STAMBP: variants seen among roughly 807,000 people sequenced by gnomAD.
STAMBP encodes the protein STAM-binding protein.
A neutral mutation model predicts 50.7 loss-of-function variants in STAMBP; 31 were observed. That is an observed-to-expected ratio of 0.61 (90% CI 0.46 to 0.83). The LOEUF (loss-of-function observed/expected upper bound fraction) is 0.83. Ranked by LOEUF, STAMBP falls within the 40% of genes least tolerant of loss-of-function variation. The probability of loss-of-function intolerance (pLI) is 0.00; values close to 1 mark genes in which losing one functional copy is unlikely to be tolerated. For missense variants in STAMBP, 472 were observed against 518.9 expected (o/e 0.91, Z 0.88); for synonymous variants, 211 against 192.4 (o/e 1.10, Z -0.80).
At chr2:73,867,439 G>A (rs2104752892), downstream of STAMBP, among the ~76,000 whole-genome samples, 1 of 152,316 alleles carries the variant, frequency 6.6e-6, no homozygotes, top group South Asian at 2.1e-4. Flanking sequence ...AGCTACTTGG[G>A]AGGCTAAGGC....
chr2:73,868,476 ATATAT>A (rs536569404), downstream of STAMBP, among the ~76,000 whole-genome samples: 71 of 152,256 alleles, frequency 4.7e-4, no homozygotes, highest in African/African-American at 1.7e-3. Context: ...CACTGATATA[ATATAT>A]CACAGGAGTA....
At chr2:73,857,364 G>C (rs1677687633) in intron 7 of STAMBP, among the ~76,000 whole-genome samples, 1 of 152,160 alleles carries the variant, frequency 6.6e-6, no homozygotes, top group South Asian at 2.1e-4. Context: ...GAGTAGTACA[G>C]AGAAGAAAGT....
intron 2 of STAMBP, among the ~76,000 whole-genome samples, chr2:73,832,551 C>A (rs564181111): frequency 6.6e-6 from 1 of 151,936 alleles, no homozygotes; most frequent in East Asian, 1.9e-4. Context: ...TTAGTAGTTT[C>A]TTAGATATCT....
chr2:73,868,233 T>C (rs952700463), downstream of STAMBP, among the ~76,000 whole-genome samples: 3 of 151,162 alleles, frequency 2.0e-5, no homozygotes, highest in Non-Finnish European at 4.4e-5. Context: ...AAATCAATAA[T>C]ATAGATGCAA....
In STAMBP at chr2:73,844,844, G is replaced by T; in HGVS notation, c.235G>T (p.Asp79Tyr). The part of the protein sequence containing the change: ...LFIEKLPKHR[D>Y]YKSAVIPEKK... ...TATTGAGAAACTACCAAAACATCGA[G>T]ATTACAAATCTGCTGTCATTCCTGA... The change falls in exon 3 of 10, where the codon GAT becomes TAT. Residue 79 changes from aspartate (D) to tyrosine (Y), a missense_variant. Asp to Tyr is a radical substitution (Grantham distance 160). Coordinates refer to ENST00000394070, the MANE Select transcript of STAMBP (RefSeq NM_213622.4). 6.2e-7 allele frequency: 1 copy of T among 1,614,002 alleles called. No homozygotes were observed. The highest frequency in any genetic ancestry group is 8.5e-7 in the Non-Finnish European group (1 of 1,179,990).
rs1361007480 is a variant in STAMBP, at chr2:73,863,685, A to G, written c.*1426A>G. 1.3e-5 allele frequency: 2 copies of G among 152,244 alleles called. No individual in the cohort carries two copies. The highest frequency in any genetic ancestry group is 2.9e-5 in the Non-Finnish European group (2 of 68,066). 9.4% of individuals were successfully genotyped at this position (152,244 alleles called of 1,614,324 possible). On this transcript the variant is annotated 3_prime_UTR_variant, in exon 10 of 10. Transcript: ENST00000394070. ...GACAAGCCATTTCCTGCTGCAGCCC[A>G]GAGCAGCCTGGCTGTTCCACCTTGC... is the stretch of plus-strand genomic sequence containing the variant.
rs183976670 is a variant in STAMBP, at chr2:73,857,085, C to T, written c.1006-2169C>T. Among the ~76,000 whole-genome samples the T allele has an allele frequency of 2.6e-4, 40 of 152,310 alleles. No individual in the cohort carries two copies. In the East Asian group the frequency reaches 7.5e-3, roughly 29 times the overall value. On this transcript the variant is annotated intron_variant, in intron 7 of 9. Transcript: ENST00000394070. The stretch of plus-strand genomic sequence containing the variant: ...ATTGAATTCTTCTGCCTTGTCTATT[C>T]CAGCCTCAGAATTCTGTTTTTCTCC...
rs1573414633 is a variant in STAMBP at position 73,862,953 on chromosome 2, T to C, written c.*694T>C. 1 of 152,304 alleles carries C rather than the reference T, an allele frequency of 6.6e-6. No individual in the cohort carries two copies. The highest frequency in any genetic ancestry group is 1.5e-5 in the Non-Finnish European group (1 of 68,042). 9.4% of individuals were successfully genotyped at this position (152,304 alleles called of 1,614,324 possible). ...AAACAGGTTAAAAAAAAGGTATGGT[T>C]GTTTTGGAAAGGTGAAGGAAAAATG... On this transcript the variant is annotated 3_prime_UTR_variant, in exon 10 of 10. Transcript: ENST00000394070.
chr2:73,873,379 T>G (rs149140489), exon 11 of STAMBP: 1 of 152,214 alleles, frequency 6.6e-6, no homozygotes, highest in Non-Finnish European at 1.5e-5. Context: ...ACAGAGCCCA[T>G]GGCCCACTTA....
intron 7 of STAMBP, among the ~76,000 whole-genome samples, chr2:73,858,781 T>G (rs565794044): frequency 6.6e-6 from 1 of 152,328 alleles, no homozygotes; most frequent in African/African-American, 2.4e-5. Flanking sequence ...GGACCTCTCA[T>G]GGTTGCAGAT....
chr2:73,870,652 G>A (rs1026456675), downstream of STAMBP, among the ~76,000 whole-genome samples: 1 of 152,188 alleles, frequency 6.6e-6, no homozygotes, highest in African/African-American at 2.4e-5. Context: ...ACTAAAGGAA[G>A]TAACACTATT....
chr2:73,833,477 GCA>G (rs1348628323), intron 2 of STAMBP, among the ~76,000 whole-genome samples: 2 of 151,976 alleles, frequency 1.3e-5, no homozygotes, highest in East Asian at 1.9e-4. Context: ...TTATTTTCCT[GCA>G]CAGTTTTTTT....
chr2:73,853,958 A>G (rs2104600324), intron 7 of STAMBP, among the ~76,000 whole-genome samples: 1 of 152,260 alleles, frequency 6.6e-6, no homozygotes, highest in African/African-American at 2.4e-5. Context: ...CCATATGTAT[A>G]TTTGTGTCTT....
At chr2:73,831,216 T>A (rs1391179061) in intron 2 of STAMBP, among the ~76,000 whole-genome samples, 157 bp downstream of exon 2, 1 of 152,258 alleles carries the variant, frequency 6.6e-6, no homozygotes, top group Non-Finnish European at 1.5e-5. Context: ...TTCAAAGACA[T>A]GAGTGCTGAA....
intron 2 of STAMBP, among the ~76,000 whole-genome samples, chr2:73,841,730 G>T (rs1241281640): frequency 1.3e-5 from 2 of 152,166 alleles, no homozygotes; most frequent in Non-Finnish European, 2.9e-5. Flanking sequence ...ACTTGCCCAA[G>T]GTCACATAGC....
intron 2 of STAMBP, among the ~76,000 whole-genome samples, chr2:73,841,626 G>T (rs969343639): frequency 6.6e-6 from 1 of 152,164 alleles, no homozygotes; most frequent in African/African-American, 2.4e-5. Context: ...TGTATTTTAT[G>T]TATGGCCCAA....
At chr2:73,847,072 A>G (rs765549375) in intron 4 of STAMBP, among the ~76,000 whole-genome samples, 19 of 135,030 alleles carry the variant, frequency 1.4e-4, no homozygotes, top group Non-Finnish European at 2.8e-4. Flanking sequence ...ACAGAATGAG[A>G]CCCTGTCTCA....
At position 73,845,202 on chromosome 2, in the gene STAMBP, G is replaced by A; in HGVS notation, c.315G>A (p.Glu105=). The A allele has an allele frequency of 6.2e-7, 1 of 1,614,106 alleles. No homozygotes were observed. Among genetic ancestry groups the A allele is most frequent in the South Asian group, 1.1e-5 (1 of 91,080 alleles). ...AGATTGCATTTCCCAAAGCAGAAGA[G>A]CTGAAGGCAGAGCTGTTAAAACGAT... ...LKEIAFPKAE[E]LKAELLKRYT... is the part of the protein sequence containing the mutation. Residue 105 remains glutamate, a synonymous_variant, in exon 4 of 10, where the codon GAG becomes GAA. Coordinates refer to ENST00000394070, the MANE Select transcript of STAMBP (RefSeq NM_213622.4).
intron 7 of STAMBP, among the ~76,000 whole-genome samples, chr2:73,854,029 T>C (rs922609755): frequency 1.3e-5 from 2 of 152,210 alleles, no homozygotes; most frequent in African/African-American, 4.8e-5. Flanking sequence ...TTTCTGAACA[T>C]GTTCTTATGC....
Sources: allele counts gnomAD v4.1 joint callset (sites outside exome capture counted in the v4.1 genomes callset), GRCh38; gene constraint gnomAD v4.1.1; transcripts MANE v1.5; gene names NCBI Gene and HGNC (gene_info 2026-07-23, HGNC 2026-07-21).